The following SOX6 variants were observed in gnomAD, a reference collection of about 807,000 sequenced individuals.
SOX6 encodes transcription factor SOX-6.
In SOX6, 11 loss-of-function variants were observed where a neutral mutation model predicts 97.8. The ratio of observed to expected loss-of-function variants is 0.11; its 90% confidence interval spans 0.07 to 0.19. SOX6 has a LOEUF of 0.19. Among genes scored for constraint, SOX6 ranks in the 10% least tolerant of loss-of-function variants. SOX6 has a pLI of 1.00. For synonymous variants in SOX6, 360 were observed against 371.4 expected (o/e 0.97, Z 0.35); for missense variants, 810 against 1,039.5 (o/e 0.78, Z 3.04).
At chr11:16,637,857 G>A (rs940887044) in intron 3 of SOX6, among the ~76,000 whole-genome samples, 3 of 151,908 alleles carry the variant, frequency 2.0e-5, no homozygotes, top group Admixed American at 6.6e-5. Flanking sequence ...TATAGGCAAG[G>A]CCTGGAAGGA....
chr11:16,668,388 C>A lies in SOX6; in HGVS notation n.429+46442G>T, dbSNP rs141068462. Among the ~76,000 whole-genome samples, 292 of 151,920 alleles carry A rather than the reference C, an allele frequency of 1.9e-3. 1 individual carries two copies. Among genetic ancestry groups the A allele is most frequent in the Admixed American group, 2.8e-3 (43 of 15,236 alleles). Reference sequence around the variant, plus strand: ...ACTCCATCAAAAAAAATCAATCAATCAATAAATAAACAGATACACAAAAAA... The same window carrying A: ...ACTCCATCAAAAAAAATCAATCAATAAATAAATAAACAGATACACAAAAAA... On this transcript the variant is annotated intron_variant and non_coding_transcript_variant, in intron 3 of 5. Transcript: ENST00000524520.
intron 3 of SOX6, among the ~76,000 whole-genome samples, chr11:16,285,960 A>G (rs550966592): frequency 6.6e-6 from 1 of 152,330 alleles, no homozygotes; most frequent in East Asian, 1.9e-4. Flanking sequence ...TATTTGGCAT[A>G]GAAAAATAAA....
At chr11:16,551,139 A>G (rs1323883306) in intron 4 of SOX6, among the ~76,000 whole-genome samples, 1 of 152,168 alleles carries the variant, frequency 6.6e-6, no homozygotes, top group Non-Finnish European at 1.5e-5. Flanking sequence ...TGAGCCTAGG[A>G]GTTTGAGACC....
At chr11:16,435,374 A>G (rs1859356588) in intron 1 of SOX6, among the ~76,000 whole-genome samples, 1 of 152,196 alleles carries the variant, frequency 6.6e-6, no homozygotes, top group Non-Finnish European at 1.5e-5. Context: ...TCACATAATG[A>G]TATAAATATA....
chr11:15,970,678 G>A lies in SOX6; in HGVS notation c.*2131C>T, dbSNP rs1320214899. On this transcript the variant is annotated 3_prime_UTR_variant, in exon 16 of 16. Transcript: ENST00000683767. The stretch of plus-strand genomic sequence containing the variant: ...ATCAGTACCTTAATCAGCTTATAGA[G>A]AGCACTCCCAGCTAACAGAATAGCT... 4 of 152,636 alleles carry A rather than the reference G, an allele frequency of 2.6e-5. No homozygotes were observed. The highest frequency in any genetic ancestry group is 2.0e-4 in the Admixed American group (3 of 15,286). 9.5% of individuals were successfully genotyped at this position (152,636 alleles called of 1,614,324 possible).
intron 4 of SOX6, among the ~76,000 whole-genome samples, chr11:16,499,871 T>A (rs923498862): frequency 6.6e-6 from 1 of 152,230 alleles, no homozygotes; most frequent in African/African-American, 2.4e-5. Context: ...AGCCGAATTC[T>A]ACTAGAGGTA....
intron 7 of SOX6, among the ~76,000 whole-genome samples, chr11:16,109,142 C>A (rs1001199205): frequency 2.0e-5 from 3 of 152,164 alleles, no homozygotes; most frequent in African/African-American, 2.4e-5. Context: ...GGTTTTCTTT[C>A]AAAAATTTAG....
At chr11:16,075,001 T>TG (rs1848318380) in intron 9 of SOX6, among the ~76,000 whole-genome samples, 1 of 152,070 alleles carries the variant, frequency 6.6e-6, no homozygotes, top group Non-Finnish European at 1.5e-5. Context: ...AACAGCATGG[T>TG]GCTAGTAAAC....
chr11:16,234,266 AACTAAG>A (rs1852948133), intron 4 of SOX6, among the ~76,000 whole-genome samples: 1 of 152,148 alleles, frequency 6.6e-6, no homozygotes, highest in Non-Finnish European at 1.5e-5. Context: ...TAAGAGGGAA[AACTAAG>A]ACTATCTTTA....
At chr11:16,612,315 C>T (rs952824939) in intron 3 of SOX6, 1 of 151,076 alleles carries the variant, frequency 6.6e-6, no homozygotes, top group African/African-American at 2.4e-5. Flanking sequence ...CAGTCTACAC[C>T]AAAGAAAAAA....
intron 3 of SOX6, among the ~76,000 whole-genome samples, chr11:16,616,125 C>T (rs1848468427): frequency 6.6e-6 from 1 of 152,130 alleles, no homozygotes; most frequent in Admixed American, 6.5e-5. Context: ...CTTGCCTCTT[C>T]CCAAATCTGA....
At chr11:16,451,604 T>C (rs1441626581) in intron 1 of SOX6, among the ~76,000 whole-genome samples, 1 of 152,154 alleles carries the variant, frequency 6.6e-6, no homozygotes, top group Non-Finnish European at 1.5e-5. Context: ...ATATAAGTTG[T>C]GCATTAAAAT....
intron 1 of SOX6, among the ~76,000 whole-genome samples, chr11:16,470,798 C>T (rs774825006): frequency 2.2e-4 from 34 of 152,126 alleles, no homozygotes; most frequent in Non-Finnish European, 7.4e-5. Flanking sequence ...ATAATTCCTA[C>T]TCATTCCACA....
chr11:15,998,714 C>G (rs188496359), intron 13 of SOX6, among the ~76,000 whole-genome samples: 7 of 152,132 alleles, frequency 4.6e-5, no homozygotes, highest in Non-Finnish European at 8.8e-5. Flanking sequence ...ACCGCCAGAA[C>G]AAGTTGATAG....
intron 3 of SOX6, among the ~76,000 whole-genome samples, chr11:16,285,037 CAGACTATTTCT>C (rs1258078515): frequency 6.6e-6 from 1 of 151,982 alleles, no homozygotes; most frequent in Non-Finnish European, 1.5e-5. Flanking sequence ...TTAGATAAAA[CAGACTATTTCT>C]AGGTTTTATT....
intron 6 of SOX6, among the ~76,000 whole-genome samples, chr11:16,133,280 A>G (rs964214643): frequency 1.3e-5 from 2 of 152,120 alleles, no homozygotes; most frequent in Non-Finnish European, 2.9e-5. Flanking sequence ...TTCTCTAGAG[A>G]TTCATTATGC....
intron 4 of SOX6, among the ~76,000 whole-genome samples, chr11:16,561,872 G>A (rs1283121799): frequency 6.6e-6 from 1 of 150,530 alleles, no homozygotes; most frequent in Non-Finnish European, 1.5e-5. Flanking sequence ...AGGACTACAT[G>A]TACACATCAC....
At chr11:16,707,605 G>A (rs1391735340) in intron 3 of SOX6, among the ~76,000 whole-genome samples, 1 of 152,082 alleles carries the variant, frequency 6.6e-6, no homozygotes, top group Non-Finnish European at 1.5e-5. Flanking sequence ...ACTGAGTATT[G>A]GGATGTGAAT....
chr11:16,400,751 A>C (rs1858533304), intron 1 of SOX6, among the ~76,000 whole-genome samples: 1 of 151,524 alleles, frequency 6.6e-6, no homozygotes, highest in Non-Finnish European at 1.5e-5. Context: ...GCAGTAAACA[A>C]GCTAGACATG....
Sources: gnomAD v4.1 joint callset for allele counts (sites outside exome capture counted in the v4.1 genomes callset) on GRCh38, gnomAD v4.1.1 for gene constraint, MANE v1.5 for transcripts, NCBI Gene and HGNC (gene_info 2026-07-23, HGNC 2026-07-21) for gene names.